The following EPG5 variants were observed in gnomAD, a reference collection of about 807,000 sequenced individuals.
EPG5 encodes the protein ectopic P granules protein 5 homolog.
In EPG5, 159 loss-of-function variants were observed where a neutral mutation model predicts 302.7. The observed-to-expected ratio is 0.53, with a 90% confidence interval of 0.46 to 0.60. The LOEUF (loss-of-function observed/expected upper bound fraction) is 0.60. Among genes scored for constraint, EPG5 ranks in the 20% least tolerant of loss-of-function variants. The pLI is 0.00. For missense variants in EPG5, 2,896 were observed against 3,092.4 expected, an observed-to-expected ratio of 0.94 and a Z score of 1.51; for synonymous variants, 1,158 against 1,136.8, an observed-to-expected ratio of 1.02 and a Z score of -0.37.
At chr18:45,930,427 T>C (rs1261202699) in intron 12 of EPG5, among the ~76,000 whole-genome samples, 3 of 152,158 alleles carry the variant, frequency 2.0e-5, no homozygotes, top group Non-Finnish European at 2.9e-5. Context: ...CTGTGTCACA[T>C]TGTCTCTCCC....
chr18:45,881,819 G>T (rs1048762428), intron 31 of EPG5, among the ~76,000 whole-genome samples: 17 of 152,206 alleles, frequency 1.1e-4, no homozygotes, highest in African/African-American at 3.9e-4. Context: ...AAATTAATTT[G>T]CAAAAAACAA....
At chr18:45,842,135 A>G in the EPG5 span, 1 of 1,614,170 alleles carries the variant, frequency 6.2e-7, no homozygotes, top group Non-Finnish European at 8.5e-7. Context: ...AATTATGAAA[A>G]TTTGAGCCAG....
intron 25 of EPG5, among the ~76,000 whole-genome samples, chr18:45,903,281 G>A (rs1374606203): frequency 6.6e-6 from 1 of 151,976 alleles, no homozygotes; most frequent in Non-Finnish European, 1.5e-5. Flanking sequence ...AAGAAAAAGT[G>A]CAGGGAGAGG....
the EPG5 span, chr18:45,840,105 A>T: frequency 2.4e-6 from 3 of 1,276,508 alleles, no homozygotes; most frequent in South Asian, 2.7e-5. Context: ...CTTCAAAAAC[A>T]GTGGTTTCCT....
intron 30 of EPG5, among the ~76,000 whole-genome samples, chr18:45,884,156 G>A (rs1336089005): frequency 6.6e-6 from 1 of 152,020 alleles, no homozygotes; most frequent in Non-Finnish European, 1.5e-5. Context: ...TACACTAAGT[G>A]GAATAAGACT....
chr18:45,908,790 A>T (rs959118444), intron 23 of EPG5, among the ~76,000 whole-genome samples: 1 of 152,160 alleles, frequency 6.6e-6, no homozygotes, highest in Non-Finnish European at 1.5e-5. Flanking sequence ...CTCTACTAAA[A>T]ATACAAAAAT....
rs58312765 is a variant in EPG5, at chr18:45,951,399, A to C, written c.1253-161T>G. Among the ~76,000 whole-genome samples the C allele has an allele frequency of 0.1, 15,803 of 152,194 alleles. 1,245 individuals are homozygous for C. The highest frequency in any genetic ancestry group is 0.29 in the East Asian group (1,506 of 5,184). On this transcript the variant is annotated intron_variant, in intron 3 of 43. Transcript: ENST00000282041. ...AATACTTAAATTTTTATAAACAGAC[A>C]AGTCAAAAATGTGTTTAACTTTGAA...
the EPG5 span, among the ~76,000 whole-genome samples, chr18:45,802,928 A>G: frequency 6.6e-6 from 1 of 152,174 alleles, no homozygotes; most frequent in Non-Finnish European, 1.5e-5. Context: ...CCCTTCCCCC[A>G]GTCTCTTAAG....
At chr18:45,841,645 G>T in the EPG5 span, among the ~76,000 whole-genome samples, 3 of 152,176 alleles carry the variant, frequency 2.0e-5, no homozygotes, top group Admixed American at 6.5e-5. Context: ...GTGTGAGAGG[G>T]AGCCAGGCTG....
chr18:45,840,008 G>C, the EPG5 span, among the ~76,000 whole-genome samples: 2 of 152,070 alleles, frequency 1.3e-5, no homozygotes, highest in Non-Finnish European at 2.9e-5. Context: ...ACTTTTTACT[G>C]GATTGCTCCT....
Position 45,882,399 on chromosome 18 carries a change from G to A in EPG5, c.5393C>T (p.Ala1798Val). Residue 1798 changes from alanine to valine, a missense_variant, in exon 31 of 44, where the codon GCC becomes GTC. Physicochemically the swap from Ala to Val is moderately conservative, Grantham distance 64. Transcript: ENST00000282041. ...ATCCTCATCTGGTTCAAGGCCCCAG[G>A]CAGTAAGTGCCAAGTGAATGGACTC... is the stretch of plus-strand genomic sequence containing the variant. ...LLESIHLALT[A>V]WGLEPDEDIL... 1 of 1,614,162 alleles carries A rather than the reference G, an allele frequency of 6.2e-7. No individual in the cohort carries two copies. Among genetic ancestry groups the A allele is most frequent in the East Asian group, 2.2e-5 (1 of 44,882 alleles).
the EPG5 span, chr18:45,840,936 G>C: frequency 6.6e-6 from 1 of 152,266 alleles, no homozygotes; most frequent in Non-Finnish European, 1.5e-5. Flanking sequence ...TCGCACCAAC[G>C]CCCCTGAATC....
At chr18:45,927,591 T>TACACACACAC (rs770234934) in intron 13 of EPG5, among the ~76,000 whole-genome samples, 3 of 75,512 alleles carry the variant, frequency 4.0e-5, no homozygotes, top group African/African-American at 1.2e-4. Context: ...AACAAAAAGT[T>TACACACACAC]ATACACACAC....
chr18:45,933,461 T>G (rs2050443883), intron 11 of EPG5, among the ~76,000 whole-genome samples: 1 of 152,084 alleles, frequency 6.6e-6, no homozygotes, highest in Non-Finnish European at 1.5e-5. Context: ...GGTGGATCAC[T>G]TGAGGTCAGG....
Position 45,912,767 on chromosome 18 carries a change from T to C in EPG5, c.3817-311A>G, listed in dbSNP as rs186514664. 7.2e-5 allele frequency among the ~76,000 whole-genome samples: 11 copies of C among 152,300 alleles called. No homozygotes were observed. The East Asian group carries it at 1.7e-3, about 24-fold the overall frequency. ...AAATTCCTTGGCGAATACAACGTTA[T>C]AGTGCAAGGGAATAGAAAGATATGA... On this transcript the variant is annotated intron_variant, in intron 21 of 43. Transcript: ENST00000282041.
At chr18:45,825,087 A>C in the EPG5 span, among the ~76,000 whole-genome samples, 1 of 145,806 alleles carries the variant, frequency 6.9e-6, no homozygotes, top group African/African-American at 2.5e-5. Context: ...TGCATTCTTG[A>C]CCAGGCCCAG....
rs2048437315 is a variant in EPG5, at chr18:45,852,532, T to C, written c.7675A>G (p.Ser2559Gly). 1 of 1,614,074 alleles carries C rather than the reference T, an allele frequency of 6.2e-7. No individual in the cohort carries two copies. Among genetic ancestry groups the C allele is most frequent in the Non-Finnish European group, 8.5e-7 (1 of 1,179,960 alleles). Residue 2559 changes from serine (S) to glycine (G), a missense_variant, in exon 44 of 44, where the codon AGC becomes GGC. Ser to Gly is a moderately conservative substitution (Grantham distance 56, BLOSUM62 0). Transcript: ENST00000282041. ...HPGHCLQDGK[S>G]FLALLVNCLY... The stretch of plus-strand genomic sequence containing the variant: ...CAGTTAACGAGAAGAGCCAAGAAGC[T>C]TTTCCCATCTTGAAGGCAATGGCCA...
Position 45,901,156 on chromosome 18 carries a change from C to A in EPG5, c.4486G>T (p.Val1496Phe). The A allele has an allele frequency of 6.2e-7, 1 of 1,614,012 alleles. No homozygotes were observed. Among genetic ancestry groups the A allele is most frequent in the Non-Finnish European group, 8.5e-7 (1 of 1,179,976 alleles). Residue 1496 changes from valine (V) to phenylalanine (F), a missense_variant, in exon 26 of 44, where the codon GTT (valine) becomes TTT (phenylalanine). Coordinates refer to ENST00000282041, the MANE Select transcript of EPG5 (RefSeq NM_020964.3). ...TCATGCTTCCGCAAGTTACTTAAAA[C>A]CCTTTCTTTAGCTGAAAGAAAATTA... ...FTDPLLAKERVLSNLRKHEAP... is the reference protein window; with the variant it reads ...FTDPLLAKERFLSNLRKHEAP...
In EPG5 at chr18:45,912,279, G is replaced by A; in HGVS notation, c.3983+11C>T. 6.4e-7 allele frequency: 1 copy of A among 1,567,416 alleles called. No individual in the cohort carries two copies. Among genetic ancestry groups the A allele is most frequent in the Non-Finnish European group, 8.6e-7 (1 of 1,160,252 alleles). ...TGGACTCACAGAAACCTACAATACT[G>A]GGCAGCATACCCATACTGTGGTCCC... On this transcript the variant is annotated intron_variant, in intron 22 of 43. Transcript: ENST00000282041.
Sources: allele counts gnomAD v4.1 joint callset (sites outside exome capture counted in the v4.1 genomes callset), GRCh38; gene constraint gnomAD v4.1.1; transcripts MANE v1.5; gene names NCBI Gene and HGNC (gene_info 2026-07-23, HGNC 2026-07-21).